Variants in PRKG1 observed in about 807,000 individuals in gnomAD.
PRKG1 encodes cGMP-dependent protein kinase 1.
Under a neutral mutation model 88.1 loss-of-function variants are expected in PRKG1, and 35 were observed. The ratio of observed to expected loss-of-function variants is 0.40; its 90% CI spans 0.30 to 0.53. PRKG1 has a LOEUF of 0.53. Ranked by LOEUF, PRKG1 falls within the 20% of genes least tolerant of loss-of-function variation. PRKG1 has a pLI of 0.59. For synonymous variants in PRKG1, 303 were observed against 292.5 expected (o/e 1.04, Z -0.37); for missense variants, 540 against 839.8 (o/e 0.64, Z 4.41).
At chr10:52,221,091 A>C (rs1019629442) in intron 9 of PRKG1, among the ~76,000 whole-genome samples, 3 of 152,060 alleles carry the variant, frequency 2.0e-5, no homozygotes, top group Non-Finnish European at 2.9e-5. Context: ...AAAAATAGCC[A>C]TTCTGACTGG....
intron 7 of PRKG1, among the ~76,000 whole-genome samples, chr10:52,108,179 T>C (rs1310394770): frequency 6.6e-6 from 1 of 152,244 alleles, no homozygotes; most frequent in East Asian, 1.9e-4. Flanking sequence ...CCAGTTTTTC[T>C]GATCCCATAT....
intron 3 of PRKG1, among the ~76,000 whole-genome samples, chr10:51,801,975 G>A (rs1226333059): frequency 1.3e-5 from 2 of 152,152 alleles, no homozygotes; most frequent in Admixed American, 6.5e-5. Flanking sequence ...ATGTTCAACA[G>A]TAATCATCAT....
intron 10 of PRKG1, among the ~76,000 whole-genome samples, chr10:52,269,053 T>G (rs2132428413): frequency 6.6e-6 from 1 of 151,024 alleles, no homozygotes; most frequent in South Asian, 2.1e-4. Flanking sequence ...TCCTACCCTG[T>G]GTACAAGTAT....
chr10:52,264,929 C>G (rs1841535105), intron 10 of PRKG1, among the ~76,000 whole-genome samples: 1 of 152,070 alleles, frequency 6.6e-6, no homozygotes, highest in Non-Finnish European at 1.5e-5. Context: ...AGAGGACCAT[C>G]ATGTTTCCTT....
Position 51,411,700 on chromosome 10 carries a change from C to T in PRKG1, c.479-56023C>T, listed in dbSNP as rs766346594. 3.5e-4 allele frequency among the ~76,000 whole-genome samples: 53 copies of T among 152,284 alleles called. 1 individual carries two copies. The highest frequency in any genetic ancestry group is 5.7e-4 in the Non-Finnish European group (39 of 68,030). The stretch of plus-strand genomic sequence containing the variant: ...CTTTTCTGTCCGTTTTTGCTTTAGA[C>T]TCTGATCAAAATTACTTATATTTTT... On this transcript the variant is annotated intron_variant, in intron 2 of 17. Transcript: ENST00000373980.
intron 10 of PRKG1, among the ~76,000 whole-genome samples, chr10:52,257,744 A>G (rs1205443563): frequency 1.4e-5 from 2 of 139,604 alleles, no homozygotes; most frequent in African/African-American, 5.0e-5. Context: ...TTTATTCTTC[A>G]AAAGAATAAA....
chr10:51,133,409 A>G (rs1845617247), intron 1 of PRKG1, among the ~76,000 whole-genome samples: 1 of 152,170 alleles, frequency 6.6e-6, no homozygotes, highest in African/African-American at 2.4e-5. Flanking sequence ...CTAGGCACCT[A>G]AACCATTGTT....
intron 2 of PRKG1, chr10:51,319,935 C>T (rs540257942): frequency 2.2e-4 from 46 of 206,762 alleles, no homozygotes; most frequent in East Asian, 5.7e-4. Context: ...GTCAATGGCA[C>T]ATTTTCCTTA....
At chr10:51,873,743 G>C (rs1841218408) in intron 4 of PRKG1, among the ~76,000 whole-genome samples, 1 of 151,934 alleles carries the variant, frequency 6.6e-6, no homozygotes. Flanking sequence ...TGGCCAGGCT[G>C]GTCTTGAACT....
chr10:51,966,528 T>C (rs768376938), intron 5 of PRKG1, among the ~76,000 whole-genome samples: 2 of 152,176 alleles, frequency 1.3e-5, no homozygotes, highest in Non-Finnish European at 2.9e-5. Context: ...GCCATTTCTT[T>C]CAAAGTATTA....
At chr10:51,037,552 G>A (rs934207251) in intron 1 of PRKG1, among the ~76,000 whole-genome samples, 13 of 152,142 alleles carry the variant, frequency 8.5e-5, no homozygotes, top group Admixed American at 8.5e-4. Flanking sequence ...GGGAGGCTGA[G>A]GCAGGCAGAT....
At chr10:52,203,497 T>G (rs1465943611) in intron 9 of PRKG1, among the ~76,000 whole-genome samples, 2 of 152,198 alleles carry the variant, frequency 1.3e-5, no homozygotes, top group Non-Finnish European at 2.9e-5. Flanking sequence ...TCTGATGTTT[T>G]GGGGTGAAGT....
At chr10:51,490,582 G>A (rs549080004) in intron 3 of PRKG1, among the ~76,000 whole-genome samples, 2 of 152,210 alleles carry the variant, frequency 1.3e-5, no homozygotes, top group African/African-American at 4.8e-5. Context: ...TGAGATTATA[G>A]AGGTTAACTA....
In PRKG1 at chr10:52,066,253, T is replaced by C. The variant is rs564300199; in HGVS notation, c.935+3622T>C. Among the ~76,000 whole-genome samples, 164 of 152,334 alleles carry C rather than the reference T, an allele frequency of 1.1e-3. 3 individuals are homozygous for C. The South Asian group carries it at 0.033, about 30-fold the overall frequency. ...CCACCCTTCGGGACCCTTTAAATTA[T>C]TGGCACTCTTTAGAATTTATTTCAT... On this transcript the variant is annotated intron_variant, in intron 7 of 17. Coordinates refer to ENST00000373980, the MANE Select transcript of PRKG1 (RefSeq NM_006258.4).
At chr10:51,963,586 G>A (rs1025535444) in intron 5 of PRKG1, among the ~76,000 whole-genome samples, 2 of 151,770 alleles carry the variant, frequency 1.3e-5, no homozygotes, top group African/African-American at 2.4e-5. Flanking sequence ...TCAGCCACCC[G>A]AGTAGCTGGG....
At chr10:51,765,815 ATTTTTT>A (rs398046339) in intron 3 of PRKG1, among the ~76,000 whole-genome samples, 1 of 134,614 alleles carries the variant, frequency 7.4e-6, no homozygotes, top group Non-Finnish European at 1.6e-5. Context: ...GCCTTACATG[ATTTTTT>A]TTTTTTTTTT....
intron 8 of PRKG1, among the ~76,000 whole-genome samples, chr10:52,142,622 G>C (rs1837612238): frequency 6.6e-6 from 1 of 152,018 alleles, no homozygotes. Context: ...CTCTTCAAAT[G>C]GATAAGAACC....
intron 7 of PRKG1, among the ~76,000 whole-genome samples, chr10:52,117,413 G>A (rs531291355): frequency 2.0e-5 from 3 of 151,952 alleles, no homozygotes; most frequent in African/African-American, 7.3e-5. Flanking sequence ...CTGCTAAACT[G>A]GTATCTCTTC....
chr10:52,263,578 A>ATTTT (rs60167378), intron 10 of PRKG1, among the ~76,000 whole-genome samples: 2 of 140,450 alleles, frequency 1.4e-5, no homozygotes, highest in African/African-American at 5.2e-5. Flanking sequence ...AATCTCCAGG[A>ATTTT]TTTTTTTTTT....
Sources: allele counts gnomAD v4.1 joint callset (sites outside exome capture counted in the v4.1 genomes callset), GRCh38; gene constraint gnomAD v4.1.1; transcripts MANE v1.5; gene names NCBI Gene and HGNC (gene_info 2026-07-23, HGNC 2026-07-21).